AGBL1: variants seen among roughly 807,000 people sequenced by gnomAD.
AGBL1 encodes the protein cytosolic carboxypeptidase 4.
In AGBL1, 130 loss-of-function variants were observed where a neutral mutation model predicts 118.9. The observed-to-expected ratio is 1.09, with a 90% confidence interval of 0.95 to 1.26. The LOEUF (loss-of-function observed/expected upper bound fraction) is 1.26, where lower values mean the gene tolerates loss of function less well. Among genes scored for constraint, AGBL1 ranks in the 50% most tolerant of loss-of-function variants. The pLI, the probability that AGBL1 is intolerant of heterozygous loss-of-function variation, is 0.00. For missense variants in AGBL1, 1,584 were observed against 1,298.1 expected (o/e 1.22, Z -3.38); for synonymous variants, 555 against 478.9 (o/e 1.16, Z -2.08).
intron 22 of AGBL1, among the ~76,000 whole-genome samples, chr15:86,692,191 A>G (rs2086183926): frequency 6.6e-6 from 1 of 151,954 alleles, no homozygotes; most frequent in Non-Finnish European, 1.5e-5. Context: ...AACAAAAAAC[A>G]AAAAACAAAA....
At chr15:86,588,664 C>T (rs1318462701) in intron 21 of AGBL1, among the ~76,000 whole-genome samples, 2 of 152,184 alleles carry the variant, frequency 1.3e-5, no homozygotes, top group African/African-American at 4.8e-5. Flanking sequence ...ACAGCAGGCT[C>T]ACCTCTGAAG....
chr15:86,307,635 C>CGT (rs2079860298), intron 17 of AGBL1, among the ~76,000 whole-genome samples: 1 of 151,840 alleles, frequency 6.6e-6, no homozygotes, highest in Non-Finnish European at 1.5e-5. Context: ...CATAGGGTGG[C>CGT]GTGTGCCTGT....
chr15:86,937,334 TA>T (rs1317100866), intron 23 of AGBL1, among the ~76,000 whole-genome samples: 2 of 152,204 alleles, frequency 1.3e-5, no homozygotes, highest in Non-Finnish European at 2.9e-5. Context: ...ATCATTTTAC[TA>T]TAAAGACATA....
intron 18 of AGBL1, among the ~76,000 whole-genome samples, chr15:86,441,598 T>A (rs1031563304): frequency 5.9e-5 from 9 of 152,214 alleles, no homozygotes; most frequent in African/African-American, 2.2e-4. Context: ...GCCTTACCAT[T>A]ATTCCTAAAA....
At chr15:86,887,367 A>C (rs1480990376) in intron 22 of AGBL1, among the ~76,000 whole-genome samples, 1 of 152,166 alleles carries the variant, frequency 6.6e-6, no homozygotes, top group South Asian at 2.1e-4. Flanking sequence ...CATCTCTTTC[A>C]TTAACACTCA....
intron 18 of AGBL1, among the ~76,000 whole-genome samples, chr15:86,438,659 T>C (rs941039198): frequency 4.3e-4 from 20 of 47,034 alleles, no homozygotes; most frequent in African/African-American, 6.2e-4. Context: ...ATCTGTCTCT[T>C]TTTTTTTTTT....
chr15:86,309,116 T>C (rs546124833), intron 17 of AGBL1, among the ~76,000 whole-genome samples: 234 of 152,280 alleles, frequency 1.5e-3, no homozygotes, highest in African/African-American at 5.3e-3. Flanking sequence ...TTATAGTTTT[T>C]AGTGTGGAGC....
intron 18 of AGBL1, among the ~76,000 whole-genome samples, chr15:86,416,380 A>G (rs1354443078): frequency 3.3e-5 from 5 of 152,172 alleles, no homozygotes; most frequent in Admixed American, 6.5e-5. Flanking sequence ...TGTGCTTTCC[A>G]ATGTCAGGGC....
chr15:86,987,839 C>T, intron 23 of AGBL1: 3 of 710,310 alleles, frequency 4.2e-6, no homozygotes, highest in Non-Finnish European at 6.2e-6. Context: ...TGTTTCTGAC[C>T]TTATGTTGCT....
intron 21 of AGBL1, among the ~76,000 whole-genome samples, chr15:86,579,756 T>C (rs1463459424): frequency 1.3e-5 from 2 of 152,156 alleles, no homozygotes; most frequent in African/African-American, 4.8e-5. Context: ...AGAAGGCTTT[T>C]GTGAAGCCCA....
At chr15:86,917,947 A>C (rs2080445065), downstream of AGBL1, among the ~76,000 whole-genome samples, 2 of 152,180 alleles carry the variant, frequency 1.3e-5, no homozygotes, top group African/African-American at 4.8e-5. This position sits in a 1 kb window ranked among gnomAD's most constrained non-coding sequence, Gnocchi z 4.8. Flanking sequence ...TAGTCCCTCA[A>C]ATCTCTAGTA....
rs1555462936 is a variant in AGBL1 at position 86,298,246 on chromosome 15, A to ATTATATAT, written c.2374+2838_2374+2839insTTATATAT. On this transcript the variant is annotated intron_variant, in intron 17 of 22. Transcript: ENST00000614907. ...GTATACAGGGTACGTGTCTGTGTAT[A>ATTATATAT]ATATATATATATATATATATATATA... Among the ~76,000 whole-genome samples the ATTATATAT allele has an allele frequency of 9.2e-4, 64 of 69,804 alleles. 1 individual carries two copies. The highest frequency in any genetic ancestry group is 2.1e-3 in the African/African-American group (33 of 15,350). The allele number at this position is 69,804 out of a possible 152,430, so 45.8% of individuals were successfully genotyped here.
At chr15:86,808,628 C>CTTCCTTCCCTTTCTT (rs200082043) in intron 22 of AGBL1, among the ~76,000 whole-genome samples, 1,598 of 142,706 alleles carry the variant, frequency 0.011, 25 homozygotes, top group Middle Eastern at 0.059. Context: ...CCTTTCTTTC[C>CTTCCTTCCCTTTCTT]TCCTTCCTTT....
chr15:86,875,485 C>G (rs931664295), intron 22 of AGBL1, among the ~76,000 whole-genome samples: 10 of 152,198 alleles, frequency 6.6e-5, no homozygotes, highest in Non-Finnish European at 1.3e-4. Flanking sequence ...AGCGTTGAGC[C>G]TCATAACTTT....
intron 22 of AGBL1, among the ~76,000 whole-genome samples, chr15:86,849,588 T>C (rs141520059): frequency 8.9e-5 from 13 of 146,432 alleles, no homozygotes; most frequent in African/African-American, 2.4e-4. Flanking sequence ...CATGTGAGAA[T>C]AAAATTGCCC....
intron 5 of AGBL1, among the ~76,000 whole-genome samples, chr15:86,192,658 T>C (rs2141832752): frequency 6.6e-6 from 1 of 152,332 alleles, no homozygotes; most frequent in Non-Finnish European, 1.5e-5. Context: ...CAACATTGTT[T>C]CTAATGCTAA....
At chr15:86,942,880 C>G (rs1156285499) in intron 23 of AGBL1, among the ~76,000 whole-genome samples, 1 of 152,206 alleles carries the variant, frequency 6.6e-6, no homozygotes, top group African/African-American at 2.4e-5. Context: ...TTGCTAATAT[C>G]TCAGTAACAA....
intron 17 of AGBL1, among the ~76,000 whole-genome samples, chr15:86,358,603 G>A (rs1448489238): frequency 6.6e-6 from 1 of 151,910 alleles, no homozygotes; most frequent in Non-Finnish European, 1.5e-5. Context: ...AGGAACTTCT[G>A]TACTGTTTTG....
rs567024146 is a variant in AGBL1 at position 86,186,569 on chromosome 15, C to T, written c.488+27543C>T. 5.9e-5 allele frequency among the ~76,000 whole-genome samples: 9 copies of T among 152,304 alleles called. No individual in the cohort carries two copies. In the South Asian group the frequency reaches 1.7e-3, roughly 28 times the overall value. On this transcript the variant is annotated intron_variant, in intron 5 of 22. Coordinates refer to ENST00000614907, the MANE Select transcript of AGBL1 (RefSeq NM_001386094.1). ...GTTAAACGTGAGGGCAAACCTGCTG[C>T]AGGCCTGTCAAAATGCTTGCTATGG...
Sources: allele counts gnomAD v4.1 joint callset (sites outside exome capture counted in the v4.1 genomes callset), GRCh38; gene constraint gnomAD v4.1.1; non-coding constraint Gnocchi (gnomAD v3.1); transcripts MANE v1.5; gene names NCBI Gene and HGNC (gene_info 2026-07-23, HGNC 2026-07-21).